The following PCGF5 variants were observed in gnomAD, a reference collection of about 807,000 sequenced individuals.
PCGF5 encodes polycomb group RING finger protein 5.
A neutral mutation model predicts 44.3 loss-of-function variants in PCGF5; 9 were observed. The observed-to-expected ratio is 0.20, with a 90% CI of 0.12 to 0.35. PCGF5 has a LOEUF of 0.35. PCGF5 is among the 10% of genes least tolerant of loss of function. The pLI is 1.00. For missense variants in PCGF5, 146 were observed against 305.3 expected (o/e 0.48, Z 3.89); for synonymous variants, 95 against 102.5 (o/e 0.93, Z 0.44).
chr10:91,199,143 G>C (rs1844199010), intron 1 of PCGF5, among the ~76,000 whole-genome samples: 1 of 152,116 alleles, frequency 6.6e-6, no homozygotes. Context: ...AGCATTCAAG[G>C]GATCATCCCT....
chr10:91,205,587 T>C (rs1166975105), intron 1 of PCGF5, among the ~76,000 whole-genome samples: 3 of 152,202 alleles, frequency 2.0e-5, no homozygotes, highest in Admixed American at 1.3e-4. Context: ...CATTGAACTA[T>C]TCCTCTATCC....
chr10:91,197,236 C>T (rs1179488309), intron 1 of PCGF5, among the ~76,000 whole-genome samples: 1 of 152,100 alleles, frequency 6.6e-6, no homozygotes, highest in Non-Finnish European at 1.5e-5. Context: ...AGGGGAGGCT[C>T]GAAGTATGGG....
At chr10:91,252,886 C>T (rs1392788082) in intron 6 of PCGF5, among the ~76,000 whole-genome samples, 1 of 152,052 alleles carries the variant, frequency 6.6e-6, no homozygotes, top group Non-Finnish European at 1.5e-5. Flanking sequence ...ACCACCCCTG[C>T]TTGTTGTTCT....
At chr10:91,173,381 C>T (rs539739667) in intron 1 of PCGF5, among the ~76,000 whole-genome samples, 62 of 152,204 alleles carry the variant, frequency 4.1e-4, no homozygotes, top group African/African-American at 1.4e-3. Flanking sequence ...CTTTTTATTT[C>T]TCTTTTAACC....
At chr10:91,277,469 T>C (rs910831724) in intron 9 of PCGF5, among the ~76,000 whole-genome samples, 46 of 152,230 alleles carry the variant, frequency 3.0e-4, no homozygotes, top group Admixed American at 8.5e-4. Context: ...CTATAAGATA[T>C]GGTACAGGGT....
At chr10:91,231,897 A>G (rs1307227211) in intron 2 of PCGF5, among the ~76,000 whole-genome samples, 3 of 152,182 alleles carry the variant, frequency 2.0e-5, no homozygotes, top group Non-Finnish European at 4.4e-5. Flanking sequence ...ATATTTGCTA[A>G]TGAATTGTAT....
chr10:91,240,440 C>A, intron 2 of PCGF5, 44 bp from the exon 3 acceptor site: 1 of 1,254,010 alleles, frequency 8.0e-7, no homozygotes, highest in Non-Finnish European at 1.2e-6. Context: ...ATTAAATGAG[C>A]GTTCATATGA....
chr10:91,236,331 A>G (rs1224000474), intron 2 of PCGF5, among the ~76,000 whole-genome samples: 1 of 152,212 alleles, frequency 6.6e-6, no homozygotes, highest in East Asian at 1.9e-4. Flanking sequence ...TAATCCATAC[A>G]GAGTCCTGAG....
rs755099790 is a variant in PCGF5, at chr10:91,178,199, AAGTT to A, written c.-184+15122_-184+15125del. ...ACAGTATTATGAGATGGAAAAAAAT[AAGTT>A]AGTGTACAATAGGACAGCCATAATT... On this transcript the variant is annotated intron_variant, in intron 1 of 9. Transcript: ENST00000614189. 8.5e-5 allele frequency among the ~76,000 whole-genome samples: 13 copies of A among 152,222 alleles called. No individual in the cohort carries two copies. The East Asian group carries it at 2.1e-3, about 25-fold the overall frequency.
At position 91,181,088 on chromosome 10, in the gene PCGF5, A is replaced by G. The variant is rs552425022; in HGVS notation, c.-184+18007A>G. ...TCCCTAGTTAGCTGTATTTTTAGCTATTTTATTATTTTTATGGCAATTGTG... is the reference window on the plus strand; with the variant it reads ...TCCCTAGTTAGCTGTATTTTTAGCTGTTTTATTATTTTTATGGCAATTGTG... On this transcript the variant is annotated intron_variant, in intron 1 of 9. Coordinates refer to the PCGF5 transcript ENST00000614189. Among the ~76,000 whole-genome samples, 33 of 151,986 alleles carry G rather than the reference A, an allele frequency of 2.2e-4. No individual in the cohort carries two copies. The South Asian group carries it at 6.7e-3, about 31-fold the overall frequency.
intron 1 of PCGF5, among the ~76,000 whole-genome samples, chr10:91,176,071 G>A (rs941882499): frequency 1.3e-5 from 2 of 152,124 alleles, no homozygotes; most frequent in African/African-American, 4.8e-5. Context: ...TCCATGTTTA[G>A]TGCTTCCTTC....
chr10:91,211,850 G>A (rs1460459160), intron 1 of PCGF5, among the ~76,000 whole-genome samples: 1 of 152,162 alleles, frequency 6.6e-6, no homozygotes, highest in Non-Finnish European at 1.5e-5. Context: ...CAAGGTTATA[G>A]AGCTTATCTG....
chr10:91,272,173 G>C (rs1487857824), intron 9 of PCGF5, among the ~76,000 whole-genome samples: 1 of 152,204 alleles, frequency 6.6e-6, no homozygotes, highest in Non-Finnish European at 1.5e-5. Flanking sequence ...ATGATAGTGA[G>C]CTAATTTAGT....
chr10:91,186,600 A>G (rs1002336640), intron 1 of PCGF5, among the ~76,000 whole-genome samples: 1 of 105,262 alleles, frequency 9.5e-6, no homozygotes, highest in Non-Finnish European at 2.7e-5. Context: ...ATATATGTGT[A>G]TATATACACA....
chr10:91,219,576 A>AT (rs767914797), upstream of PCGF5, among the ~76,000 whole-genome samples: 9 of 152,202 alleles, frequency 5.9e-5, no homozygotes, highest in Non-Finnish European at 1.3e-4. Context: ...ACTCATTGTG[A>AT]TTGCTGCGAC....
chr10:91,171,794 A>T (rs1453037538), intron 1 of PCGF5, among the ~76,000 whole-genome samples: 2 of 152,134 alleles, frequency 1.3e-5, no homozygotes, highest in African/African-American at 4.8e-5. Flanking sequence ...AAAAATTCAA[A>T]GTGTGGCTGA....
intron 3 of PCGF5, among the ~76,000 whole-genome samples, chr10:91,245,068 C>T (rs7082510): frequency 0.13 from 19,815 of 151,946 alleles, 2,425 homozygotes; most frequent in African/African-American, 0.32. Context: ...CAGAGAGGCA[C>T]GAGTAAAGGA....
At position 91,202,943 on chromosome 10, in the gene PCGF5, G is replaced by T. The variant is rs150925231; in HGVS notation, c.-183-19746G>T. On this transcript the variant is annotated intron_variant, in intron 1 of 9. Coordinates refer to the PCGF5 transcript ENST00000614189. ...AGAAAAACAGTAAAGAAATGTGTTT[G>T]TGAAAATGACTAAAAACAATACAGG... Among the ~76,000 whole-genome samples, 482 of 152,320 alleles carry T rather than the reference G, an allele frequency of 3.2e-3. 3 individuals carry two copies. Among genetic ancestry groups the T allele is most frequent in the Admixed American group, 5.9e-3 (90 of 15,304 alleles).
At chr10:91,248,211 T>C (rs944474525) in intron 3 of PCGF5, among the ~76,000 whole-genome samples, 2 of 152,142 alleles carry the variant, frequency 1.3e-5, no homozygotes, top group African/African-American at 4.8e-5. Context: ...AGCCAGACCG[T>C]ATTTCCAAGG....
Sources: allele counts gnomAD v4.1 joint callset (sites outside exome capture counted in the v4.1 genomes callset), GRCh38; gene constraint gnomAD v4.1.1; transcripts MANE v1.5; gene names NCBI Gene and HGNC (gene_info 2026-07-23, HGNC 2026-07-21).